Variants in GARNL3 observed in about 807,000 individuals in gnomAD.
The protein encoded by GARNL3 is GTPase activating Rap/RanGAP domain like 3, also known as GTPase-activating Rap/Ran-GAP domain-like protein 3.
Under a neutral mutation model 125.0 loss-of-function variants are expected in GARNL3, and 63 were observed. The ratio of observed to expected loss-of-function variants is 0.50; its 90% CI spans 0.41 to 0.62. The LOEUF is 0.62. Among genes scored for constraint, GARNL3 ranks in the 20% least tolerant of loss-of-function variants. The pLI is 0.00. For missense variants in GARNL3, 994 were observed against 1,244.0 expected (o/e 0.80, Z 3.02); for synonymous variants, 439 against 457.5 (o/e 0.96, Z 0.52).
At position 127,313,451 on chromosome 9, in the gene GARNL3, C is replaced by G; in HGVS notation, c.330C>G (p.Asn110Lys). 1 of 1,612,908 alleles carries G rather than the reference C, an allele frequency of 6.2e-7. No individual in the cohort carries two copies. The highest frequency in any genetic ancestry group is 8.5e-7 in the Non-Finnish European group (1 of 1,178,858). ...FKYFLGQVHQ[N>K]YIGNDAEKSP... ...ACCTTTCTTTTCCAGTCCATCAGAA[C>G]TACATTGGAAACGATGCCGAGAAGA... is the stretch of plus-strand genomic sequence containing the variant. Residue 110 changes from asparagine (N) to lysine (K), a missense_variant, in exon 4 of 28, where the codon AAC becomes AAG. Coordinates refer to ENST00000373387, the MANE Select transcript of GARNL3 (RefSeq NM_032293.5).
At position 127,280,860 on chromosome 9, in the gene GARNL3, A is replaced by G. The variant is rs2064083516; in HGVS notation, c.145-10308A>G. On this transcript the variant is annotated intron_variant, in intron 1 of 27. Coordinates refer to ENST00000373387, the MANE Select transcript of GARNL3 (RefSeq NM_032293.5). This position sits in a 1 kb window ranked among gnomAD's most constrained non-coding sequence, Gnocchi z 4.5. ...GCAGAAAGGTCATCTGTTAGGAGAAAGGGTGTTTCTGTAGTGGTAACATGT... is the reference window on the plus strand; with the variant it reads ...GCAGAAAGGTCATCTGTTAGGAGAAGGGGTGTTTCTGTAGTGGTAACATGT... 6.6e-6 allele frequency among the ~76,000 whole-genome samples: 1 copy of G among 152,192 alleles called. No homozygotes were observed. The highest frequency in any genetic ancestry group is 1.5e-5 in the Non-Finnish European group (1 of 68,032).
chr9:127,387,615 C>T (rs1415232792), intron 25 of GARNL3, among the ~76,000 whole-genome samples: 3 of 151,886 alleles, frequency 2.0e-5, no homozygotes, highest in African/African-American at 7.2e-5. Context: ...TGGTGGCACA[C>T]ACCTGTAATC....
At chr9:127,244,946 G>A (rs916939919) in intron 2 of GARNL3, among the ~76,000 whole-genome samples, 3 of 152,254 alleles carry the variant, frequency 2.0e-5, no homozygotes, top group African/African-American at 7.2e-5. Context: ...TGAGCAAGAT[G>A]GACCCGGTAG....
chr9:127,261,882 C>T (rs1243913516), upstream of GARNL3, among the ~76,000 whole-genome samples: 4 of 152,114 alleles, frequency 2.6e-5, no homozygotes, highest in Non-Finnish European at 4.4e-5. Flanking sequence ...CTTGAAACGC[C>T]TCCAATTCTT....
chr9:127,321,102 C>G (rs1238608515), intron 6 of GARNL3, among the ~76,000 whole-genome samples: 2 of 152,132 alleles, frequency 1.3e-5, no homozygotes, highest in African/African-American at 4.8e-5. Flanking sequence ...ACCCTTTTTA[C>G]TGAGTAATAT....
At chr9:127,227,916 T>A (rs2062942157) in intron 1 of GARNL3, among the ~76,000 whole-genome samples, 1 of 152,136 alleles carries the variant, frequency 6.6e-6, no homozygotes, top group African/African-American at 2.4e-5. Context: ...CAAGACCCTA[T>A]CTCAATAAAA....
At position 127,313,249 on chromosome 9, in the gene GARNL3, TG is replaced by T. The variant is rs1564908481; in HGVS notation, c.320-191del. 5.3e-5 allele frequency: 31 copies of T among 585,506 alleles called. No individual in the cohort carries two copies. In the East Asian group the frequency reaches 8.9e-4, roughly 17 times the overall value. The allele number at this position is 585,506 out of a possible 1,614,324, so 36.3% of individuals were successfully genotyped here. On this transcript the variant is annotated intron_variant, in intron 3 of 27. Transcript: ENST00000373387. The stretch of plus-strand genomic sequence containing the variant: ...CAGAATTTGGTCACATGTTCATTCC[TG>T]AACCAGTCACTAGCAAGGGGCAGAG...
chr9:127,375,511 T>C (rs1307237165), intron 22 of GARNL3, among the ~76,000 whole-genome samples: 2 of 151,338 alleles, frequency 1.3e-5, no homozygotes, highest in African/African-American at 2.4e-5. Context: ...AGCATATGTA[T>C]GTCCCCACAA....
chr9:127,382,121 G>A (rs1243234234), intron 22 of GARNL3, among the ~76,000 whole-genome samples: 1 of 152,030 alleles, frequency 6.6e-6, no homozygotes, highest in Non-Finnish European at 1.5e-5. Context: ...GCCAAATGGA[G>A]AAACCCCACC....
At chr9:127,296,202 A>G (rs1294287092) in intron 2 of GARNL3, among the ~76,000 whole-genome samples, 1 of 152,160 alleles carries the variant, frequency 6.6e-6, no homozygotes, top group East Asian at 1.9e-4. Flanking sequence ...TTGCTCACCC[A>G]CCACTCACCT....
chr9:127,343,475 A>G (rs1829977351), intron 14 of GARNL3, among the ~76,000 whole-genome samples: 1 of 152,134 alleles, frequency 6.6e-6, no homozygotes, highest in African/African-American at 2.4e-5. Flanking sequence ...AAATGTTTTC[A>G]TGTACTTGCC....
At chr9:127,349,432 C>A (rs926350788) in intron 17 of GARNL3, among the ~76,000 whole-genome samples, 1 of 151,974 alleles carries the variant, frequency 6.6e-6, no homozygotes, top group African/African-American at 2.4e-5. Flanking sequence ...AAAAAGATTT[C>A]TGATTCAAAA....
rs1457139108 is a variant in GARNL3, at chr9:127,390,747, G to A, written c.2850G>A (p.Val950=). The stretch of plus-strand genomic sequence containing the variant: ...AAGGAGGCCCCAAGCCAGGGGCAGT[G>A]AGGTCATCTAGCAGTGACAGGTAAA... ...ESQGGPKPGA[V]RSSSSDRIPS... The change falls in exon 27 of 28, where the codon GTG becomes GTA. Residue 950 remains valine, a synonymous_variant. Coordinates refer to ENST00000373387, the MANE Select transcript of GARNL3 (RefSeq NM_032293.5). The A allele has an allele frequency of 6.2e-7, 1 of 1,613,740 alleles. No homozygotes were observed. Among genetic ancestry groups the A allele is most frequent in the Non-Finnish European group, 8.5e-7 (1 of 1,179,740 alleles).
At chr9:127,380,696 T>G (rs1654445467) in intron 22 of GARNL3, among the ~76,000 whole-genome samples, 2 of 152,146 alleles carry the variant, frequency 1.3e-5, no homozygotes, top group South Asian at 4.1e-4. Context: ...ACATGTTGCA[T>G]GATGCAATTT....
intron 4 of GARNL3, among the ~76,000 whole-genome samples, chr9:127,316,589 G>T (rs971278054): frequency 6.6e-6 from 1 of 151,916 alleles, no homozygotes; most frequent in African/African-American, 2.4e-5. Flanking sequence ...TATTTCTATC[G>T]TAATATTCAT....
At chr9:127,270,402 C>T (rs7847603) in intron 1 of GARNL3, among the ~76,000 whole-genome samples, 2,351 of 152,334 alleles carry the variant, frequency 0.015, 67 homozygotes, top group African/African-American at 0.054. Context: ...CCAAGCCCTA[C>T]AAGAACCTAT....
chr9:127,344,409 T>C (rs1184046148), intron 15 of GARNL3, 70 bp downstream of exon 15: 1 of 1,028,112 alleles, frequency 9.7e-7, no homozygotes, highest in Non-Finnish European at 1.5e-6. Flanking sequence ...AGATGGCCCA[T>C]GTGCAAAGAC....
At position 127,325,067 on chromosome 9, in the gene GARNL3, A is replaced by G. The variant is rs1217597006; in HGVS notation, c.568-2A>G. ...TGTAACTTTTAAAACTTTATTTGACAGGACTTGCTGGTTCTTGAAGAACAA... is the reference window on the plus strand; with the variant it reads ...TGTAACTTTTAAAACTTTATTTGACGGGACTTGCTGGTTCTTGAAGAACAA... On this transcript the variant is annotated splice_acceptor_variant, in intron 6 of 27. Transcript: ENST00000373387. LOFTEE classifies it high-confidence loss of function. 1 of 1,613,274 alleles carries G rather than the reference A, an allele frequency of 6.2e-7. No individual in the cohort carries two copies. Among genetic ancestry groups the G allele is most frequent in the African/African-American group, 1.3e-5 (1 of 74,934 alleles).
intron 7 of GARNL3, among the ~76,000 whole-genome samples, chr9:127,328,102 G>A (rs1253061069): frequency 6.6e-6 from 1 of 152,134 alleles, no homozygotes; most frequent in African/African-American, 2.4e-5. Flanking sequence ...TTTTTCAGGG[G>A]CTGGACCCTG....
Sources: allele counts gnomAD v4.1 joint callset (sites outside exome capture counted in the v4.1 genomes callset), GRCh38; gene constraint gnomAD v4.1.1; non-coding constraint Gnocchi (gnomAD v3.1); transcripts MANE v1.5; gene names NCBI Gene and HGNC (gene_info 2026-07-23, HGNC 2026-07-21).